Variants in MAPT observed in about 807,000 individuals in gnomAD.
The protein encoded by MAPT is microtubule associated protein tau.
A neutral mutation model predicts 67.9 loss-of-function variants in MAPT; 34 were observed. That is an observed-to-expected ratio of 0.50 (90% CI 0.38 to 0.67). MAPT has a LOEUF of 0.67. MAPT is among the 30% of genes least tolerant of loss of function. The pLI, the probability that MAPT is intolerant of heterozygous loss-of-function variation, is 0.00. For missense variants in MAPT, 881 were observed against 1,115.2 expected, an observed-to-expected ratio of 0.79 and a Z score of 2.99; for synonymous variants, 456 against 464.5, an observed-to-expected ratio of 0.98 and a Z score of 0.23.
intron 1 of MAPT, among the ~76,000 whole-genome samples, chr17:45,943,657 T>G (rs1441872117): frequency 6.6e-6 from 1 of 152,172 alleles, no homozygotes; most frequent in African/African-American, 2.4e-5. Flanking sequence ...CTGTGGCCTT[T>G]CAAACTCCCA....
chr17:45,963,319 T>C (rs917485013), intron 2 of MAPT, among the ~76,000 whole-genome samples: 8 of 152,182 alleles, frequency 5.3e-5, no homozygotes, highest in African/African-American at 1.9e-4. Context: ...GACCACATGG[T>C]TGGGGACCCC....
At chr17:45,967,313 A>G (rs1476808430) in intron 2 of MAPT, among the ~76,000 whole-genome samples, 20 of 152,202 alleles carry the variant, frequency 1.3e-4, no homozygotes, top group Admixed American at 1.2e-3. Flanking sequence ...AAGGAGACCA[A>G]TGCAAATGAT....
At chr17:45,966,847 A>G (rs976463043) in intron 2 of MAPT, among the ~76,000 whole-genome samples, 1 of 152,360 alleles carries the variant, frequency 6.6e-6, no homozygotes, top group East Asian at 1.9e-4. Context: ...TAAATTGCCA[A>G]CCTTTTAGAA....
intron 1 of MAPT, chr17:45,895,221 C>T (rs1054583351): frequency 6.6e-6 from 1 of 152,300 alleles, no homozygotes; most frequent in Non-Finnish European, 1.5e-5. Flanking sequence ...CCTCCCTGCA[C>T]CTCCCGAGCA....
intron 1 of MAPT, among the ~76,000 whole-genome samples, chr17:45,940,789 A>G (rs2067782912): frequency 6.6e-6 from 1 of 152,204 alleles, no homozygotes; most frequent in East Asian, 1.9e-4. Context: ...GGATGAAAAT[A>G]GAATGAGCCC....
intron 11 of MAPT, among the ~76,000 whole-genome samples, chr17:46,017,037 A>G (rs2076228440): frequency 6.6e-6 from 1 of 152,192 alleles, no homozygotes; most frequent in Admixed American, 6.5e-5. Context: ...CTGTGGGAAG[A>G]GAAGGCCATG....
At chr17:45,973,372 C>G (rs546183595) in intron 3 of MAPT, 1 of 152,322 alleles carries the variant, frequency 6.6e-6, no homozygotes, top group Admixed American at 6.5e-5. Context: ...GTCTACAAAA[C>G]GATGCCAGAC....
intron 9 of MAPT, chr17:45,999,635 G>T: frequency 2.5e-6 from 4 of 1,610,106 alleles, no homozygotes; most frequent in Admixed American, 1.7e-5. Flanking sequence ...CCCATGAGGG[G>T]TGAGAGTCAG....
At chr17:45,944,363 CCTCCACCTCCAAACT>C (rs1345378259) in intron 1 of MAPT, among the ~76,000 whole-genome samples, 1 of 152,194 alleles carries the variant, frequency 6.6e-6, no homozygotes, top group Non-Finnish European at 1.5e-5. Context: ...GAAGCCAAAG[CCTCCACCTCCAAACT>C]CAGGGGCCCA....
In MAPT at chr17:45,915,617, A is replaced by AGT. The variant is rs1568154711; in HGVS notation, c.-18+20942_-18+20943dup. 6.6e-6 allele frequency among the ~76,000 whole-genome samples: 1 copy of AGT among 151,302 alleles called. No homozygotes were observed. Among genetic ancestry groups the AGT allele is most frequent in the African/African-American group, 2.4e-5 (1 of 41,136 alleles). ...TGCATTGTGTCTGTGAGCATGTGTGAGTGTGTGTGTGTTCAGCATATATAA... is the reference window on the plus strand; with the variant it reads ...TGCATTGTGTCTGTGAGCATGTGTGAGTGTGTGTGTGTGTTCAGCATATATAA... On this transcript the variant is annotated intron_variant, in intron 1 of 12. Transcript: ENST00000262410. The surrounding 1 kb of genome is among the most constrained non-coding windows in gnomAD (Gnocchi z 4.4).
intron 1 of MAPT, among the ~76,000 whole-genome samples, chr17:45,957,037 G>T (rs1598144810): frequency 1.3e-5 from 2 of 152,110 alleles, no homozygotes; most frequent in East Asian, 3.9e-4. Flanking sequence ...TTGCTATTGT[G>T]AATAGTGCCG....
At chr17:45,985,753 G>C (rs1298974233) in intron 5 of MAPT, 5 of 984,828 alleles carry the variant, frequency 5.1e-6, no homozygotes, top group Non-Finnish European at 6.0e-6. Context: ...ACGTGAGTCA[G>C]ATCCGCCTGG....
intron 1 of MAPT, among the ~76,000 whole-genome samples, chr17:45,903,284 C>G (rs2063738212): frequency 6.6e-6 from 1 of 152,168 alleles, no homozygotes; most frequent in South Asian, 2.1e-4. Context: ...GGATCCAGTT[C>G]TGCCATTGAT....
chr17:45,998,891 G>A (rs1474629050), intron 9 of MAPT, among the ~76,000 whole-genome samples: 1 of 151,716 alleles, frequency 6.6e-6, no homozygotes, highest in Non-Finnish European at 1.5e-5. Context: ...GACCCCAGAG[G>A]GGCCCTCACT....
chr17:45,915,683 A>C lies in MAPT; in HGVS notation c.-18+20997A>C, dbSNP rs2065157831. Among the ~76,000 whole-genome samples the C allele has an allele frequency of 6.6e-6, 1 of 151,834 alleles. No individual in the cohort carries two copies. The highest frequency in any genetic ancestry group is 2.4e-5 in the African/African-American group (1 of 41,298). On this transcript the variant is annotated intron_variant, in intron 1 of 12. Coordinates refer to ENST00000262410, the MANE Select transcript of MAPT (RefSeq NM_001377265.1). The surrounding 1 kb of genome is among the most constrained non-coding windows in gnomAD (Gnocchi z 4.4). ...ACAGCACTTTAGAGGGCTCTCCTGG[A>C]GTCAGAGGGGGTGGGTAGGAGGAGA...
chr17:46,024,061 C>T lies in MAPT; in HGVS notation c.2392C>T (p.Arg798Trp), dbSNP rs63750424. Residue 798 changes from arginine (R) to tryptophan (W), a missense_variant, in exon 13 of 13, where the codon CGG (arginine) becomes TGG (tryptophan). By Grantham distance (101) the Arg-to-Trp change is moderately radical. Coordinates refer to ENST00000262410, the MANE Select transcript of MAPT (RefSeq NM_001377265.1). ...AGTGGTGTCTGGGGACACGTCTCCACGGCATCTCAGCAATGTCTCCTCCAC... is the reference window on the plus strand; with the variant it reads ...AGTGGTGTCTGGGGACACGTCTCCATGGCATCTCAGCAATGTCTCCTCCAC... ...SPVVSGDTSP[R>W]HLSNVSSTGS... 1.5e-5 allele frequency: 24 copies of T among 1,614,132 alleles called. No homozygotes were observed. Among genetic ancestry groups the T allele is most frequent in the Non-Finnish European group, 1.9e-5 (22 of 1,180,014 alleles).
At chr17:45,997,618 G>A (rs1161005431) in intron 9 of MAPT, among the ~76,000 whole-genome samples, 7 of 152,128 alleles carry the variant, frequency 4.6e-5, no homozygotes, top group Admixed American at 1.3e-4. Context: ...ATACCTGGGC[G>A]TGGTGGTGGT....
At chr17:45,969,386 T>C (rs1379376003) in intron 2 of MAPT, 1 of 152,494 alleles carries the variant, frequency 6.6e-6, no homozygotes. Context: ...CATCCACCCA[T>C]ATCTTCCTCC....
At chr17:46,020,601 C>T (rs1176494261) in intron 12 of MAPT, among the ~76,000 whole-genome samples, 1 of 152,194 alleles carries the variant, frequency 6.6e-6, no homozygotes, top group African/African-American at 2.4e-5. Flanking sequence ...CACAGTTCCA[C>T]GTGACTGGGG....
Sources: gnomAD v4.1 joint callset for allele counts (sites outside exome capture counted in the v4.1 genomes callset) on GRCh38, gnomAD v4.1.1 for gene constraint, Gnocchi (gnomAD v3.1) non-coding constraint, MANE v1.5 for transcripts, NCBI Gene and HGNC (gene_info 2026-07-23, HGNC 2026-07-21) for gene names.